TOM1L2: variants seen among roughly 807,000 people sequenced by gnomAD.
The protein encoded by TOM1L2 is target of myb1 like 2 membrane trafficking protein.
A neutral mutation model predicts 67.9 loss-of-function variants in TOM1L2; 31 were observed. The observed-to-expected ratio is 0.46, with a 90% CI of 0.34 to 0.62. The LOEUF (loss-of-function observed/expected upper bound fraction) is 0.62. Ranked by LOEUF, TOM1L2 falls within the 20% of genes least tolerant of loss-of-function variation. TOM1L2 has a pLI of 0.01. For missense variants in TOM1L2, 606 were observed against 663.5 expected (o/e 0.91, Z 0.95); for synonymous variants, 256 against 254.0 (o/e 1.01, Z -0.07).
chr17:17,961,328 TGGGA>T (rs1303617857), intron 1 of TOM1L2, among the ~76,000 whole-genome samples: 2 of 151,642 alleles, frequency 1.3e-5, no homozygotes, highest in African/African-American at 4.8e-5. Flanking sequence ...GAGGCCAAGA[TGGGA>T]GGATCACCTG....
intron 6 of TOM1L2, among the ~76,000 whole-genome samples, chr17:17,880,424 C>A (rs1170237664): frequency 6.6e-6 from 1 of 152,262 alleles, no homozygotes; most frequent in Non-Finnish European, 1.5e-5. Context: ...TCCTCTCCAG[C>A]AACAGAGACA....
At chr17:17,882,510 G>A (rs1234680691) in intron 6 of TOM1L2, among the ~76,000 whole-genome samples, 195 bp downstream of exon 6, 1 of 152,184 alleles carries the variant, frequency 6.6e-6, no homozygotes, top group Non-Finnish European at 1.5e-5. Flanking sequence ...CCTTGGTTCT[G>A]CTCCCCACCA....
At chr17:17,930,045 G>C (rs1568307594) in intron 1 of TOM1L2, among the ~76,000 whole-genome samples, 1 of 152,172 alleles carries the variant, frequency 6.6e-6, no homozygotes, top group Non-Finnish European at 1.5e-5. Context: ...GAAGGCAAGA[G>C]CACCATGGTT....
rs2035572022 is a variant in TOM1L2, at chr17:17,845,040, T to C, written c.*2595A>G. The stretch of plus-strand genomic sequence containing the variant: ...CCTAAGGACTGTGCTCCCCAGATGG[T>C]GGGGTCTGGGAGCAGAGATCTCAGG... On this transcript the variant is annotated 3_prime_UTR_variant, in exon 15 of 15. Coordinates refer to ENST00000379504, the MANE Select transcript of TOM1L2 (RefSeq NM_001082968.2). 6.6e-6 allele frequency: 1 copy of C among 152,250 alleles called. No individual in the cohort carries two copies. The highest frequency in any genetic ancestry group is 6.6e-5 in the Admixed American group (1 of 15,262). The allele number at this position is 152,250 out of a possible 1,614,324, so 9.4% of individuals were successfully genotyped here. A position where few individuals can be genotyped will look rare whatever the true frequency, so the allele number is the denominator to read the frequency against.
intron 6 of TOM1L2, among the ~76,000 whole-genome samples, chr17:17,880,542 C>T (rs77082949): frequency 0.025 from 3,771 of 152,304 alleles, 130 homozygotes; most frequent in African/African-American, 0.08. Context: ...TCCTTGCCCA[C>T]AGTGAAATAT....
chr17:17,876,020 T>C (rs1176097954), intron 7 of TOM1L2, among the ~76,000 whole-genome samples: 1 of 152,252 alleles, frequency 6.6e-6, no homozygotes, highest in Admixed American at 6.5e-5. Context: ...TATTATCTTA[T>C]GCTGATGAAC....
intron 1 of TOM1L2, among the ~76,000 whole-genome samples, chr17:17,962,875 C>T (rs1213333676): frequency 4.0e-5 from 6 of 151,568 alleles, no homozygotes; most frequent in East Asian, 1.9e-4. Context: ...GCAGGAGAAT[C>T]GCTTGAACCT....
intron 1 of TOM1L2, among the ~76,000 whole-genome samples, chr17:17,923,416 AAACAACAAC>A (rs546461322): frequency 3.3e-5 from 5 of 151,964 alleles, no homozygotes; most frequent in Non-Finnish European, 5.9e-5. Context: ...AACAACAACA[AAACAACAAC>A]AACAACAACA....
chr17:17,949,238 G>C (rs1003010658), intron 1 of TOM1L2, among the ~76,000 whole-genome samples: 1 of 152,146 alleles, frequency 6.6e-6, no homozygotes, highest in African/African-American at 2.4e-5. Context: ...TTCTCCAATG[G>C]GGAACAGCAG....
chr17:17,882,959 G>T, intron 5 of TOM1L2, 96 bp from the exon 6 acceptor site: 1 of 1,472,330 alleles, frequency 6.8e-7, no homozygotes, highest in Non-Finnish European at 9.3e-7. Flanking sequence ...CCCCAAGGCT[G>T]CCCACGAAAG....
intron 10 of TOM1L2, among the ~76,000 whole-genome samples, 187 bp from the exon 11 acceptor site, chr17:17,863,035 A>C (rs1007407912): frequency 6.6e-6 from 1 of 152,222 alleles, no homozygotes; most frequent in Non-Finnish European, 1.5e-5. Context: ...GATGGGGGAC[A>C]GAACAGCCAC....
intron 1 of TOM1L2, among the ~76,000 whole-genome samples, chr17:17,934,293 T>C (rs1223668509): frequency 6.6e-6 from 1 of 152,072 alleles, no homozygotes; most frequent in East Asian, 1.9e-4. Context: ...AAAACAGTGT[T>C]GAAATTAGCC....
chr17:17,947,004 C>G (rs572653603), intron 1 of TOM1L2, among the ~76,000 whole-genome samples: 2 of 152,088 alleles, frequency 1.3e-5, no homozygotes, highest in South Asian at 2.1e-4. Context: ...GGATTACAGG[C>G]GTACGCCACC....
rs1031645181 is a variant in TOM1L2 at position 17,847,519 on chromosome 17, A to AT, written c.*115dup. The AT allele has an allele frequency of 7.2e-7, 1 of 1,382,956 alleles. No homozygotes were observed. The highest frequency in any genetic ancestry group is 1.4e-5 in the African/African-American group (1 of 69,362). 85.7% of individuals were successfully genotyped at this position (1,382,956 alleles called of 1,614,324 possible). On this transcript the variant is annotated 3_prime_UTR_variant, in exon 15 of 15. Transcript: ENST00000379504. ...TGGGAGCAGACACGGTGGCATTTCC[A>AT]TGGAAACACAGGTGTGCAGGCCGTG...
At chr17:17,912,296 C>A (rs1287196890) in intron 1 of TOM1L2, among the ~76,000 whole-genome samples, 1 of 151,746 alleles carries the variant, frequency 6.6e-6, no homozygotes, top group South Asian at 2.1e-4. Flanking sequence ...GACCCCCCCA[C>A]CTCCCTCCCG....
intron 4 of TOM1L2, among the ~76,000 whole-genome samples, chr17:17,891,048 C>T (rs1266386978): frequency 6.6e-6 from 1 of 152,168 alleles, no homozygotes; most frequent in Non-Finnish European, 1.5e-5. Context: ...GTTATCAACC[C>T]CCATCTAGGA....
intron 1 of TOM1L2, among the ~76,000 whole-genome samples, chr17:17,963,949 T>G (rs2041789536): frequency 6.6e-6 from 1 of 152,232 alleles, no homozygotes; most frequent in Non-Finnish European, 1.5e-5. Context: ...TAATATTTTC[T>G]GTTTTATAGA....
intron 1 of TOM1L2, among the ~76,000 whole-genome samples, chr17:17,945,937 T>C (rs1202462619): frequency 6.6e-6 from 1 of 152,182 alleles, no homozygotes; most frequent in Admixed American, 6.5e-5. Flanking sequence ...GGCACAATCA[T>C]GGCTCACTGC....
intron 1 of TOM1L2, among the ~76,000 whole-genome samples, chr17:17,931,529 G>T (rs935989979): frequency 1.3e-5 from 2 of 152,184 alleles, no homozygotes; most frequent in South Asian, 2.1e-4. Context: ...AGCAATAGCT[G>T]GCACAATAGA....
Sources: allele counts gnomAD v4.1 joint callset (sites outside exome capture counted in the v4.1 genomes callset), GRCh38; gene constraint gnomAD v4.1.1; transcripts MANE v1.5; gene names NCBI Gene and HGNC (gene_info 2026-07-23, HGNC 2026-07-21).